Variants in DMD observed in about 807,000 individuals in gnomAD.
DMD encodes dystrophin, also known as mutant dystrophin.
DMD carries 63 observed loss-of-function variants against 330.1 expected under a neutral mutation model. That is an observed-to-expected ratio of 0.19 (90% CI 0.16 to 0.24). DMD has a LOEUF of 0.24. DMD is among the 10% of genes least tolerant of loss of function. DMD has a pLI of 1.00. For missense variants in DMD, 3,344 were observed against 2,684.1 expected (o/e 1.25, Z -5.43); for synonymous variants, 1,223 against 959.8 (o/e 1.27, Z -5.07).
In DMD at chrX:31,875,250, G is replaced by A. The variant is rs1316260598; in HGVS notation, c.7036C>T (p.Pro2346Ser). ...QLNHLLLWLS[P>S]IRNQLEIYNQ... is the part of the protein sequence containing the mutation. ...TAAATTTCCAACTGATTCCTAATAG[G>A]AGATAACCACAGCAGCAGATGATTT... is the stretch of plus-strand genomic sequence containing the variant. Residue 2346 changes from proline (P) to serine (S), a missense_variant, in exon 48 of 79, where the codon CCT becomes TCT. Transcript: ENST00000357033. 5 of 1,194,307 alleles carry A rather than the reference G, an allele frequency of 4.2e-6. No homozygotes were observed. In the South Asian group the frequency reaches 5.4e-5, roughly 13 times the overall value.
chrX:32,668,064 G>T (rs900135859), intron 9 of DMD, among the ~76,000 whole-genome samples: 1 of 110,472 alleles, frequency 9.1e-6, no homozygotes, highest in African/African-American at 3.3e-5. Context: ...CAGAAGAATC[G>T]CTTGAGCCCA....
intron 43 of DMD, among the ~76,000 whole-genome samples, chrX:32,228,021 A>G (rs2097154582): frequency 9.0e-6 from 1 of 111,387 alleles, no homozygotes; most frequent in Non-Finnish European, 1.9e-5. Context: ...CACACATATC[A>G]GAAACTTGGC....
At chrX:32,398,271 C>A (rs1194663025) in intron 30 of DMD, among the ~76,000 whole-genome samples, 3 of 99,815 alleles carry the variant, frequency 3.0e-5, no homozygotes, top group Non-Finnish European at 4.1e-5. Context: ...AAACCCCCCC[C>A]CCCAAGTAGA....
intron 60 of DMD, among the ~76,000 whole-genome samples, chrX:31,359,878 G>A (rs918542474): frequency 1.8e-5 from 2 of 112,076 alleles, no homozygotes; most frequent in African/African-American, 6.5e-5. Context: ...CACTCGGTAT[G>A]TACTCATTTT....
At chrX:32,869,059 A>G (rs1205355478) in intron 2 of DMD, among the ~76,000 whole-genome samples, 2 of 111,637 alleles carry the variant, frequency 1.8e-5, no homozygotes, top group African/African-American at 6.5e-5. Context: ...GCAGGCAGCC[A>G]TCTTTGCTGT....
At chrX:32,876,889 C>T (rs1055504227) in intron 2 of DMD, among the ~76,000 whole-genome samples, 1 of 112,010 alleles carries the variant, frequency 8.9e-6, no homozygotes, top group Non-Finnish European at 1.9e-5. Context: ...TTTCATTGAA[C>T]GCAGGAATCT....
chrX:31,188,520 C>G (rs1466312827), intron 67 of DMD, among the ~76,000 whole-genome samples: 1 of 111,980 alleles, frequency 8.9e-6, no homozygotes, highest in Non-Finnish European at 1.9e-5. Context: ...TGACCTTGTC[C>G]TCATCTCTAA....
At chrX:32,963,883 G>A (rs1454517038) in intron 2 of DMD, among the ~76,000 whole-genome samples, 1 of 111,535 alleles carries the variant, frequency 9.0e-6, no homozygotes, top group African/African-American at 3.3e-5. Context: ...GAGAGCCTCA[G>A]TTACATTTAA....
chrX:33,095,964 ATTTTTTTTTT>A (rs35906927), intron 1 of DMD, among the ~76,000 whole-genome samples: 74 of 51,571 alleles, frequency 1.4e-3, no homozygotes, highest in Admixed American at 4.1e-3. Flanking sequence ...TTCTTCCAGA[ATTTTTTTTTT>A]TTTTTTTTTT....
At chrX:31,321,607 A>AAAAAAAAAAGAAAG (rs1388525572) in intron 62 of DMD, among the ~76,000 whole-genome samples, 20 of 89,273 alleles carry the variant, frequency 2.2e-4, no homozygotes, top group Non-Finnish European at 3.7e-4. Context: ...AAAAAAAAAA[A>AAAAAAAAAAGAAAG]AAAGAAAGAA....
intron 1 of DMD, among the ~76,000 whole-genome samples, chrX:33,053,964 T>G (rs2094489605): frequency 8.9e-6 from 1 of 111,816 alleles, no homozygotes; most frequent in African/African-American, 3.3e-5. Context: ...TTTGGGGCAA[T>G]GAGAATTTGG....
intron 5 of DMD, 104 bp downstream of exon 5, chrX:32,823,191 G>A: frequency 3.1e-6 from 2 of 652,024 alleles, no homozygotes; most frequent in Non-Finnish European, 5.1e-6. Flanking sequence ...ATGGAGCAGG[G>A]TTTGTTATTG....
intron 21 of DMD, among the ~76,000 whole-genome samples, chrX:32,475,259 C>A (rs1021156206): frequency 1.8e-5 from 2 of 111,551 alleles, no homozygotes; most frequent in South Asian, 7.4e-4. Flanking sequence ...TGACTATGGC[C>A]TTATAGTATA....
intron 1 of DMD, among the ~76,000 whole-genome samples, chrX:33,123,046 A>G (rs937302071): frequency 2.7e-5 from 3 of 112,151 alleles, no homozygotes; most frequent in African/African-American, 9.7e-5. Flanking sequence ...TGTACCTTCT[A>G]ATGGTTAGAT....
At chrX:32,314,001 C>T (rs185250868) in intron 41 of DMD, among the ~76,000 whole-genome samples, 2 of 111,580 alleles carry the variant, frequency 1.8e-5, no homozygotes, top group Admixed American at 9.5e-5. Flanking sequence ...CAATGCTACT[C>T]CCATCAAGCT....
chrX:33,217,417 A>T (rs140492975), intron 1 of DMD, among the ~76,000 whole-genome samples: 1,515 of 111,789 alleles, frequency 0.014, 13 homozygotes, highest in Middle Eastern at 0.029. Flanking sequence ...CCATTAATAC[A>T]GTATATATCT....
At position 32,884,597 on chromosome X, in the gene DMD, G is replaced by T. The variant is rs147200955; in HGVS notation, c.94-34777C>A. On this transcript the variant is annotated intron_variant, in intron 2 of 78. Coordinates refer to ENST00000357033, the MANE Select transcript of DMD (RefSeq NM_004006.3). ...AAAACTAACAGATGTTGCTGGAATT[G>T]GAACCAGGACCATGTGCTACAGTAA... Among the ~76,000 whole-genome samples the T allele has an allele frequency of 4.3e-3, 477 of 111,808 alleles. 7 individuals carry two copies. The East Asian group carries it at 0.061, about 14-fold the overall frequency.
At chrX:32,205,992 A>G in intron 44 of DMD, 3 of 464,060 alleles carry the variant, frequency 6.5e-6, no homozygotes, top group Non-Finnish European at 1.2e-5. Flanking sequence ...GGTGGATAAT[A>G]ATGAAATTGA....
chrX:31,961,746 T>TTTTTTG (rs2095306871), intron 45 of DMD, among the ~76,000 whole-genome samples: 1 of 96,891 alleles, frequency 1.0e-5, no homozygotes, highest in African/African-American at 4.4e-5. Flanking sequence ...AGCGGTTTTT[T>TTTTTTG]TTTTTTTTTG....
Sources: gnomAD v4.1 joint callset for allele counts (sites outside exome capture counted in the v4.1 genomes callset) on GRCh38, gnomAD v4.1.1 for gene constraint, MANE v1.5 for transcripts, NCBI Gene and HGNC (gene_info 2026-07-23, HGNC 2026-07-21) for gene names.